SGCZ: variants seen among roughly 807,000 people sequenced by gnomAD.
SGCZ encodes the protein zeta-sarcoglycan.
A neutral mutation model predicts 41.3 loss-of-function variants in SGCZ; 40 were observed. The ratio of observed to expected loss-of-function variants is 0.97; its 90% CI spans 0.75 to 1.26. SGCZ has a LOEUF of 1.26. Ranked by LOEUF, SGCZ falls within the 50% of genes most tolerant of loss-of-function variation. The pLI is 0.00. For synonymous variants in SGCZ, 206 were observed against 137.5 expected (o/e 1.50, Z -3.49); for missense variants, 552 against 369.8 (o/e 1.49, Z -4.04).
At chr8:14,583,207 G>A (rs568514949) in intron 1 of SGCZ, among the ~76,000 whole-genome samples, 11 of 150,090 alleles carry the variant, frequency 7.3e-5, no homozygotes, top group African/African-American at 2.0e-4. Context: ...CATTCTAACT[G>A]GTGTGAGATG....
intron 1 of SGCZ, among the ~76,000 whole-genome samples, chr8:15,028,365 A>C (rs1803530649): frequency 1.3e-5 from 2 of 152,038 alleles, no homozygotes; most frequent in Non-Finnish European, 2.9e-5. Context: ...TTCTAAGTTG[A>C]AGTCAGTTTC....
intron 1 of SGCZ, among the ~76,000 whole-genome samples, chr8:15,193,460 T>A (rs1341244801): frequency 6.6e-6 from 1 of 152,054 alleles, no homozygotes; most frequent in African/African-American, 2.4e-5. Flanking sequence ...ATTTAATCCT[T>A]GTAAAACTCT....
intron 2 of SGCZ, among the ~76,000 whole-genome samples, chr8:14,478,508 C>T (rs1480899519): frequency 6.6e-6 from 1 of 152,088 alleles, no homozygotes; most frequent in East Asian, 1.9e-4. Context: ...TTGAAAAAAT[C>T]AGTGATTGAC....
chr8:14,742,969 C>A (rs1365928645), intron 1 of SGCZ, among the ~76,000 whole-genome samples: 1 of 152,116 alleles, frequency 6.6e-6, no homozygotes, highest in African/African-American at 2.4e-5. Context: ...GCGTTTGCTA[C>A]AATGTTTGTA....
rs138194194 is a variant in SGCZ at position 14,238,759 on chromosome 8, T to C, written c.337-1080A>G. On this transcript the variant is annotated intron_variant, in intron 3 of 7. Coordinates refer to ENST00000382080, the MANE Select transcript of SGCZ (RefSeq NM_139167.4). ...AATATAATGTTCTGGGGGGGGACAT[T>C]TCGGTGATCAAAAAATAGAACAAAA... 4.5e-4 allele frequency among the ~76,000 whole-genome samples: 69 copies of C among 152,210 alleles called. 2 individuals are homozygous for C. Among genetic ancestry groups the C allele is most frequent in the African/African-American group, 1.6e-3 (65 of 41,546 alleles).
chr8:14,479,372 C>T (rs545449755), intron 2 of SGCZ, among the ~76,000 whole-genome samples: 1 of 152,278 alleles, frequency 6.6e-6, no homozygotes, highest in South Asian at 2.1e-4. Context: ...TTTGCTCCGC[C>T]TGCTTTTATT....
chr8:14,971,665 T>A (rs76087938), intron 1 of SGCZ, among the ~76,000 whole-genome samples: 1 of 145,256 alleles, frequency 6.9e-6, no homozygotes, highest in African/African-American at 2.7e-5. Flanking sequence ...TTTTTTTTTT[T>A]AATGCGACGG....
chr8:14,167,133 G>A (rs1804234302), intron 4 of SGCZ, among the ~76,000 whole-genome samples: 1 of 152,088 alleles, frequency 6.6e-6, no homozygotes, highest in South Asian at 2.1e-4. Context: ...AAAATGATAT[G>A]TTCTTGGGGA....
Position 15,022,446 on chromosome 8 carries a change from C to T in SGCZ, c.39+215139G>A, listed in dbSNP as rs188908897. ...GGAACCTCCGCCTCCTGGGTTCAAG[C>T]GATTCTCCTACTTCAGCCTCCAGAG... On this transcript the variant is annotated intron_variant, in intron 1 of 7. Coordinates refer to ENST00000382080, the MANE Select transcript of SGCZ (RefSeq NM_139167.4). Among the ~76,000 whole-genome samples the T allele has an allele frequency of 3.4e-3, 522 of 152,150 alleles. 1 individual carries two copies. Among genetic ancestry groups the T allele is most frequent in the Non-Finnish European group, 5.4e-3 (370 of 68,012 alleles).
At chr8:14,117,830 C>A (rs1469763674) in intron 5 of SGCZ, among the ~76,000 whole-genome samples, 1 of 151,110 alleles carries the variant, frequency 6.6e-6, no homozygotes, top group Non-Finnish European at 1.5e-5. Context: ...TGAGAACATG[C>A]AGTTTTTGAT....
chr8:14,794,276 G>A (rs1393624945), intron 1 of SGCZ, among the ~76,000 whole-genome samples: 1 of 152,044 alleles, frequency 6.6e-6, no homozygotes, highest in Non-Finnish European at 1.5e-5. Context: ...ATAGTAGGAT[G>A]CAATAGAGAA....
At chr8:14,898,031 A>AC (rs1460092856) in intron 1 of SGCZ, among the ~76,000 whole-genome samples, 1 of 152,204 alleles carries the variant, frequency 6.6e-6, no homozygotes, top group Non-Finnish European at 1.5e-5. Flanking sequence ...CAATTCACGA[A>AC]CAGATGTGTT....
chr8:14,324,734 G>A (rs2117033884), intron 2 of SGCZ, among the ~76,000 whole-genome samples: 1 of 152,176 alleles, frequency 6.6e-6, no homozygotes. Flanking sequence ...GAAAAGAGCA[G>A]TTTTTGAGAA....
chr8:14,827,567 A>G (rs75514238), intron 1 of SGCZ, among the ~76,000 whole-genome samples: 4,285 of 152,198 alleles, frequency 0.028, 173 homozygotes, highest in African/African-American at 0.089. Context: ...CACAGAGTCA[A>G]TGTGGGAAGG....
At chr8:15,233,045 G>A (rs1339848277) in intron 1 of SGCZ, among the ~76,000 whole-genome samples, 1 of 151,590 alleles carries the variant, frequency 6.6e-6, no homozygotes, top group Non-Finnish European at 1.5e-5. Context: ...TTGCTATTTT[G>A]TAAAGTGAAT....
At chr8:15,061,945 T>C (rs986712521) in intron 1 of SGCZ, among the ~76,000 whole-genome samples, 7 of 152,188 alleles carry the variant, frequency 4.6e-5, no homozygotes, top group African/African-American at 1.7e-4. Context: ...ATCTAGCTGA[T>C]TTTTGTGGCT....
At chr8:14,870,621 A>G (rs1563328158) in intron 1 of SGCZ, among the ~76,000 whole-genome samples, 1 of 152,190 alleles carries the variant, frequency 6.6e-6, no homozygotes, top group Non-Finnish European at 1.5e-5. Flanking sequence ...CTGCACAGCA[A>G]AAGAAACTAT....
chr8:14,145,962 G>T (rs534537011), intron 5 of SGCZ, among the ~76,000 whole-genome samples: 1 of 152,236 alleles, frequency 6.6e-6, no homozygotes, highest in East Asian at 1.9e-4. Context: ...CCTCCAATGG[G>T]TAAATCTAAG....
At chr8:14,151,580 C>G (rs937364799) in intron 5 of SGCZ, among the ~76,000 whole-genome samples, 1 of 151,862 alleles carries the variant, frequency 6.6e-6, no homozygotes, top group Admixed American at 6.6e-5. Context: ...AATACATATT[C>G]TAAAGTCAAT....
Sources: allele counts gnomAD v4.1 joint callset (sites outside exome capture counted in the v4.1 genomes callset), GRCh38; gene constraint gnomAD v4.1.1; transcripts MANE v1.5; gene names NCBI Gene and HGNC (gene_info 2026-07-23, HGNC 2026-07-21).